ADAP1: variants seen among roughly 807,000 people sequenced by gnomAD.
The protein encoded by ADAP1 is arf-GAP with dual PH domain-containing protein 1.
A neutral mutation model predicts 54.9 loss-of-function variants in ADAP1; 31 were observed. That is an observed-to-expected ratio of 0.56 (90% CI 0.42 to 0.76). The LOEUF (loss-of-function observed/expected upper bound fraction) is 0.76. Ranked by LOEUF, ADAP1 falls within the 30% of genes least tolerant of loss-of-function variation. The probability of loss-of-function intolerance (pLI) is 0.00; values close to 1 mark genes in which losing one functional copy is unlikely to be tolerated. For missense variants in ADAP1, 535 were observed against 512.4 expected, an observed-to-expected ratio of 1.04 and a Z score of -0.42; for synonymous variants, 313 against 202.6, an observed-to-expected ratio of 1.55 and a Z score of -4.63.
chr7:906,686 A>AGGGGG (rs1562915145), intron 4 of ADAP1, among the ~76,000 whole-genome samples: 10 of 66,300 alleles, frequency 1.5e-4, no homozygotes, highest in East Asian at 1.6e-3. Flanking sequence ...GACAGGGGAC[A>AGGGGG]CGGGGGACAT....
rs1011465063 is a variant in ADAP1, at chr7:900,640, C to G, written c.649-24G>C. On this transcript the variant is annotated intron_variant, in intron 6 of 10. Transcript: ENST00000265846. ...TCCTAGGGGCAAAGGTGGGCACAGG[C>G]TTGGGCTGAGGAGGCTGCAGCGCTG... The G allele has an allele frequency of 5.1e-6, 8 of 1,562,902 alleles. No individual in the cohort carries two copies. The African/African-American group carries it at 1.2e-4, about 24-fold the overall frequency.
intron 6 of ADAP1, chr7:901,427 G>C (rs1467577805): frequency 5.6e-6 from 1 of 179,714 alleles, no homozygotes; most frequent in Non-Finnish European, 1.2e-5. Flanking sequence ...GGAAGAGCCA[G>C]GGAGCCCCAT....
intron 6 of ADAP1, chr7:900,955 T>TG (rs1460995733): frequency 2.2e-5 from 12 of 545,356 alleles, no homozygotes; most frequent in Non-Finnish European, 4.3e-5. Context: ...CTGGTGCTGC[T>TG]GGGGCCTGGG....
chr7:920,017 G>A lies in ADAP1; in HGVS notation c.339C>T (p.Tyr113=), dbSNP rs201169744. 2.9e-5 allele frequency: 47 copies of A among 1,607,768 alleles called. No homozygotes were observed. The highest frequency in any genetic ancestry group is 2.3e-5 in the Non-Finnish European group (27 of 1,179,556). The change falls in exon 4 of 11, where the codon TAC becomes TAT. Residue 113 remains tyrosine, a synonymous_variant. Transcript: ENST00000265846. This position sits in a 1 kb window ranked among gnomAD's most constrained non-coding sequence, Gnocchi z 4.5. The part of the protein sequence containing the change: ...LLREQWIRAK[Y]ERQEFIYPEK... ...CCGGGTAGATGAACTCCTGTCGCTCGTACTTGGCCCGGATCCACTGCTCTC... is the reference window on the plus strand; with the variant it reads ...CCGGGTAGATGAACTCCTGTCGCTCATACTTGGCCCGGATCCACTGCTCTC...
At chr7:904,613 C>T (rs758881226) in intron 5 of ADAP1, among the ~76,000 whole-genome samples, 25 of 152,330 alleles carry the variant, frequency 1.6e-4, no homozygotes, top group South Asian at 6.2e-4. Context: ...GTGCCCGCCA[C>T]GGCTCAGGGC....
chr7:942,359 GAAGA>G (rs1176449096), intron 1 of ADAP1, among the ~76,000 whole-genome samples: 1 of 139,856 alleles, frequency 7.2e-6, no homozygotes, highest in Non-Finnish European at 1.6e-5. Flanking sequence ...AGAGGAAGAG[GAAGA>G]GAGAGGAGGA....
In ADAP1 at chr7:920,131, G is replaced by T; in HGVS notation, c.306-81C>A. On this transcript the variant is annotated intron_variant, in intron 3 of 10. Coordinates refer to ENST00000265846, the MANE Select transcript of ADAP1 (RefSeq NM_006869.4). The surrounding 1 kb of genome is among the most constrained non-coding windows in gnomAD (Gnocchi z 4.5). The stretch of plus-strand genomic sequence containing the variant: ...ACGCCGCTCTCTGGCCCGGACCCTG[G>T]ACATCTCAAGAGGCTCATAGGGACC... The T allele has an allele frequency of 7.6e-7, 1 of 1,320,406 alleles. No homozygotes were observed. Among genetic ancestry groups the T allele is most frequent in the Non-Finnish European group, 1.1e-6 (1 of 946,028 alleles). The allele number at this position is 1,320,406 out of a possible 1,614,324, so 81.8% of individuals were successfully genotyped here.
chr7:922,552 G>A lies in ADAP1; in HGVS notation c.306-2502C>T, dbSNP rs969589681. ...TCCAGTGGCCACTGTGACCCCCATA[G>A]CGGGTGCTGTTCACACAGCTGGCAC... is the stretch of plus-strand genomic sequence containing the variant. On this transcript the variant is annotated intron_variant, in intron 3 of 10. Transcript: ENST00000265846. 2.6e-5 allele frequency among the ~76,000 whole-genome samples: 4 copies of A among 152,272 alleles called. No individual in the cohort carries two copies. The East Asian group carries it at 5.8e-4, about 22-fold the overall frequency.
chr7:918,156 G>A (rs1846011225), intron 4 of ADAP1, among the ~76,000 whole-genome samples: 2 of 152,154 alleles, frequency 1.3e-5, no homozygotes, highest in South Asian at 2.1e-4. Flanking sequence ...TCAAACTGCT[G>A]ACTGCAACGG....
chr7:935,493 G>A lies in ADAP1; in HGVS notation c.95C>T (p.Ala32Val), dbSNP rs1306607592. Reference sequence around the variant, plus strand: ...GATGAAGACGCCCAGAGTGTAGGAGGCCCAGTCGGGATCTGCAAGGGAAAG... The same window carrying A: ...GATGAAGACGCCCAGAGTGTAGGAGACCCAGTCGGGATCTGCAAGGGAAAG... ...ADCGAPDPDWASYTLGVFICL... is the reference protein window; with the variant it reads ...ADCGAPDPDWVSYTLGVFICL... The change falls in exon 2 of 11, where the codon GCC becomes GTC. Residue 32 changes from alanine (A) to valine (V), a missense_variant. Physicochemically the swap from Ala to Val is moderately conservative, Grantham distance 64 (BLOSUM62 0). Transcript: ENST00000265846. The A allele has an allele frequency of 1.3e-6, 2 of 1,563,180 alleles. No homozygotes were observed. Among genetic ancestry groups the A allele is most frequent in the African/African-American group, 2.7e-5 (2 of 73,522 alleles).
chr7:935,268 A>C, intron 2 of ADAP1, 107 bp downstream of exon 2: 1 of 1,445,320 alleles, frequency 6.9e-7, no homozygotes, highest in Non-Finnish European at 9.4e-7. Context: ...AGAGTAGCCC[A>C]AGGCTCCAGG....
At chr7:950,908 G>T (rs796909215) in intron 1 of ADAP1, among the ~76,000 whole-genome samples, 47 of 151,434 alleles carry the variant, frequency 3.1e-4, no homozygotes, top group African/African-American at 1.0e-3. Context: ...AGAAGGGTGG[G>T]TGCCCCGGAC....
chr7:932,045 C>T (rs529827137), intron 2 of ADAP1, among the ~76,000 whole-genome samples: 1 of 152,344 alleles, frequency 6.6e-6, no homozygotes, highest in Non-Finnish European at 1.5e-5. Flanking sequence ...CCCAGCCCTG[C>T]CTGGGGGCCG....
rs1372794847 is a variant in ADAP1 at position 943,239 on chromosome 7, AGAGAGGAGGAGGAAGG to A, written c.83-7750_83-7735del. On this transcript the variant is annotated intron_variant, in intron 1 of 10. Coordinates refer to ENST00000265846, the MANE Select transcript of ADAP1 (RefSeq NM_006869.4). ...GAGGAAGAGAGAGGAGGAGGAAGGG[AGAGAGGAGGAGGAAGG>A]GAGAGGAGGAGGAAGGGAGAGAGGA... 1.3e-3 allele frequency among the ~76,000 whole-genome samples: 38 copies of A among 30,350 alleles called. 4 individuals are homozygous for A. The highest frequency in any genetic ancestry group is 3.5e-3 in the East Asian group (7 of 2,026). 19.9% of individuals were successfully genotyped at this position (30,350 alleles called of 152,430 possible).
intron 1 of ADAP1, among the ~76,000 whole-genome samples, chr7:941,217 ATGAC>A (rs746135648): frequency 7.9e-5 from 12 of 152,252 alleles, no homozygotes; most frequent in Non-Finnish European, 1.2e-4. Flanking sequence ...TCAAGGGAGA[ATGAC>A]TGACTGCTTT....
intron 1 of ADAP1, among the ~76,000 whole-genome samples, chr7:939,132 G>A (rs1780201764): frequency 6.6e-6 from 1 of 152,222 alleles, no homozygotes; most frequent in South Asian, 2.1e-4. Context: ...ACTCAGCCAT[G>A]CCCATTTATG....
chr7:914,777 C>G (rs77193677), intron 4 of ADAP1, among the ~76,000 whole-genome samples: 2,078 of 152,292 alleles, frequency 0.014, 41 homozygotes, highest in African/African-American at 0.047. Context: ...TGCACAGCAC[C>G]CAGAGACAGC....
chr7:908,179 G>GC (rs1269652636), intron 4 of ADAP1, among the ~76,000 whole-genome samples: 4 of 152,162 alleles, frequency 2.6e-5, no homozygotes, highest in Non-Finnish European at 5.9e-5. Flanking sequence ...GGGCTAAACA[G>GC]CCCCCTGCAG....
intron 1 of ADAP1, among the ~76,000 whole-genome samples, chr7:954,124 C>T (rs943415921): frequency 2.0e-5 from 3 of 151,038 alleles, no homozygotes; most frequent in Non-Finnish European, 4.4e-5. Flanking sequence ...ACACGCAGCC[C>T]GGCGGGGGAG....
Sources: allele counts gnomAD v4.1 joint callset (sites outside exome capture counted in the v4.1 genomes callset), GRCh38; gene constraint gnomAD v4.1.1; non-coding constraint Gnocchi (gnomAD v3.1); transcripts MANE v1.5; gene names NCBI Gene and HGNC (gene_info 2026-07-23, HGNC 2026-07-21).